The following SLC9B1 variants were observed in gnomAD, a reference collection of about 807,000 sequenced individuals.
SLC9B1 encodes sodium/hydrogen exchanger 9B1.
In SLC9B1, 32 loss-of-function variants were observed where a neutral mutation model predicts 51.7. The ratio of observed to expected loss-of-function variants is 0.62; its 90% CI spans 0.47 to 0.83. The LOEUF is 0.83. Ranked by LOEUF, SLC9B1 falls within the 40% of genes least tolerant of loss-of-function variation. The pLI, the probability that SLC9B1 is intolerant of heterozygous loss-of-function variation, is 0.00. For synonymous variants in SLC9B1, 145 were observed against 212.7 expected (o/e 0.68, Z 2.77); for missense variants, 406 against 613.2 (o/e 0.66, Z 3.57).
intron 10 of SLC9B1, 164 bp downstream of exon 10, chr4:102,906,372 C>G (rs1246981145): frequency 2.4e-6 from 1 of 409,694 alleles, no homozygotes; most frequent in Non-Finnish European, 4.3e-6. Context: ...AAAAAGAGCA[C>G]CCAGTGTAAA....
chr4:103,018,286 A>G (rs934242377), intron 1 of SLC9B1, among the ~76,000 whole-genome samples: 1 of 152,170 alleles, frequency 6.6e-6, no homozygotes, highest in Non-Finnish European at 1.5e-5. Context: ...CAACTGAAAA[A>G]CAGCAGTATA....
At chr4:102,959,994 GT>G (rs908978777) in intron 3 of SLC9B1, among the ~76,000 whole-genome samples, 78 of 145,380 alleles carry the variant, frequency 5.4e-4, no homozygotes, top group East Asian at 1.4e-3. Flanking sequence ...CAAAATAAAA[GT>G]TTTTTTTTTT....
intron 11 of SLC9B1, among the ~76,000 whole-genome samples, chr4:102,894,299 T>G (rs1215643282): frequency 6.6e-6 from 1 of 152,160 alleles, no homozygotes; most frequent in Non-Finnish European, 1.5e-5. Context: ...AAGGAACCAG[T>G]AGGAATAGCT....
At chr4:102,993,014 C>T (rs1740025790) in intron 1 of SLC9B1, among the ~76,000 whole-genome samples, 1 of 152,190 alleles carries the variant, frequency 6.6e-6, no homozygotes, top group African/African-American at 2.4e-5. Context: ...CCTTGTCCCA[C>T]CCATGACATG....
intron 1 of SLC9B1, among the ~76,000 whole-genome samples, chr4:103,015,301 T>G (rs1741261181): frequency 7.4e-6 from 1 of 135,910 alleles, no homozygotes; most frequent in Admixed American, 7.3e-5. Context: ...AAAAAAAAAA[T>G]CAGGCCACAA....
chr4:103,013,228 T>C lies in SLC9B1; in HGVS notation c.-2+6371A>G, dbSNP rs113589499. On this transcript the variant is annotated intron_variant, in intron 1 of 11. Transcript: ENST00000296422. ...CAGTCAAACTGTTAACTGCACTCCA[T>C]GCCTTTATTTGGTTGGAACATCTTC... 3.2e-3 allele frequency among the ~76,000 whole-genome samples: 492 copies of C among 152,340 alleles called. 5 individuals are homozygous for C. The highest frequency in any genetic ancestry group is 0.017 in the Middle Eastern group (5 of 294).
Position 102,907,208 on chromosome 4 carries a change from G to A in SLC9B1, c.1087-564C>T, listed in dbSNP as rs200886775. 3.3e-3 allele frequency among the ~76,000 whole-genome samples: 501 copies of A among 152,174 alleles called. 3 individuals carry two copies. The highest frequency in any genetic ancestry group is 0.011 in the African/African-American group (454 of 41,518). On this transcript the variant is annotated intron_variant, in intron 9 of 11. Transcript: ENST00000296422. ...GTCACAGAATAAGTGATGTCCTTAG[G>A]GTTCTAGCCATGTTTCGTATGAGTT...
intron 4 of SLC9B1, among the ~76,000 whole-genome samples, chr4:102,948,195 T>C (rs1464708865): frequency 6.6e-6 from 1 of 152,090 alleles, no homozygotes; most frequent in Non-Finnish European, 1.5e-5. Context: ...TTATTCATCG[T>C]ACAATCCACT....
chr4:102,943,217 A>G (rs1246733416), intron 6 of SLC9B1, among the ~76,000 whole-genome samples: 1 of 152,018 alleles, frequency 6.6e-6, no homozygotes, highest in Admixed American at 6.6e-5. Flanking sequence ...GAACACTTTC[A>G]CACTGCTGGG....
intron 7 of SLC9B1, among the ~76,000 whole-genome samples, chr4:102,931,907 CAT>C (rs1317657430): frequency 6.6e-6 from 1 of 152,204 alleles, no homozygotes; most frequent in Non-Finnish European, 1.5e-5. Flanking sequence ...TTAATTGTCA[CAT>C]GATTATTAAA....
chr4:103,000,813 A>G (rs567156204), intron 1 of SLC9B1, among the ~76,000 whole-genome samples: 12 of 152,296 alleles, frequency 7.9e-5, no homozygotes, highest in African/African-American at 2.9e-4. Flanking sequence ...GCATGGTGCA[A>G]GCTGTCAATG....
intron 1 of SLC9B1, among the ~76,000 whole-genome samples, chr4:103,002,105 C>G (rs931175688): frequency 1.3e-5 from 2 of 152,186 alleles, no homozygotes; most frequent in African/African-American, 4.8e-5. Context: ...GATCCAATCA[C>G]CTCTCTCCCT....
intron 3 of SLC9B1, among the ~76,000 whole-genome samples, chr4:102,955,883 AAG>A (rs1737775426): frequency 6.8e-6 from 1 of 146,874 alleles, no homozygotes. Flanking sequence ...GAAAGAAAGA[AAG>A]AAAGAAAGAA....
At chr4:102,991,440 T>C (rs1158518894) in intron 2 of SLC9B1, among the ~76,000 whole-genome samples, 1 of 152,112 alleles carries the variant, frequency 6.6e-6, no homozygotes, top group Non-Finnish European at 1.5e-5. Flanking sequence ...AGCTCCAAAA[T>C]GCTCTATAGT....
intron 11 of SLC9B1, among the ~76,000 whole-genome samples, chr4:102,905,233 A>ATTTATTTATTTTTTTT (rs569004930): frequency 2.7e-5 from 4 of 149,468 alleles, no homozygotes; most frequent in African/African-American, 1.0e-4. Flanking sequence ...TTATTTATTT[A>ATTTATTTATTTTTTTT]TTTTTTTGAG....
At chr4:102,929,874 C>G (rs965665891) in intron 7 of SLC9B1, among the ~76,000 whole-genome samples, 5 of 152,164 alleles carry the variant, frequency 3.3e-5, no homozygotes, top group African/African-American at 1.2e-4. Flanking sequence ...GAAAGAATGA[C>G]AGATACCAAT....
At chr4:103,008,989 C>T (rs2110539329) in intron 1 of SLC9B1, among the ~76,000 whole-genome samples, 1 of 151,898 alleles carries the variant, frequency 6.6e-6, no homozygotes, top group East Asian at 1.9e-4. Context: ...TTAGTAGAGA[C>T]GGGTTTCACC....
intron 7 of SLC9B1, among the ~76,000 whole-genome samples, chr4:102,914,433 C>A (rs1206870064): frequency 3.9e-5 from 6 of 151,938 alleles, no homozygotes; most frequent in African/African-American, 1.2e-4. Flanking sequence ...AGAAGGGGAT[C>A]TTTTCAGGAA....
chr4:102,990,680 G>A (rs1156300302), intron 2 of SLC9B1, among the ~76,000 whole-genome samples: 1 of 151,956 alleles, frequency 6.6e-6, no homozygotes, highest in Admixed American at 6.6e-5. Flanking sequence ...GTGGGGGTGT[G>A]TGTGCCAGCA....
Sources: gnomAD v4.1 joint callset for allele counts (sites outside exome capture counted in the v4.1 genomes callset) on GRCh38, gnomAD v4.1.1 for gene constraint, MANE v1.5 for transcripts, NCBI Gene and HGNC (gene_info 2026-07-23, HGNC 2026-07-21) for gene names.